The following CSMD1 variants were observed in gnomAD, a reference collection of about 807,000 sequenced individuals.
CSMD1 encodes the protein CUB and Sushi multiple domains 1, also known as CUB and sushi domain-containing protein 1.
In CSMD1, 213 loss-of-function variants were observed where a neutral mutation model predicts 417.5. That is an observed-to-expected ratio of 0.51 (90% CI 0.46 to 0.57). The LOEUF (loss-of-function observed/expected upper bound fraction) is 0.57, where lower values mean the gene tolerates loss of function less well. CSMD1 is among the 20% of genes least tolerant of loss of function. CSMD1 has a pLI of 0.00. For missense variants in CSMD1, 6,923 were observed against 4,529.7 expected (o/e 1.53, Z -15.17); for synonymous variants, 2,862 against 1,736.8 (o/e 1.65, Z -16.11).
intron 20 of CSMD1, among the ~76,000 whole-genome samples, chr8:3,359,659 G>T (rs567896589): frequency 1.3e-5 from 2 of 151,882 alleles, no homozygotes; most frequent in African/African-American, 4.8e-5. Flanking sequence ...CAGTTAGAAG[G>T]AATATGTTCT....
chr8:4,215,234 T>C (rs903059410), intron 3 of CSMD1, among the ~76,000 whole-genome samples: 6 of 152,204 alleles, frequency 3.9e-5, no homozygotes, highest in African/African-American at 1.4e-4. Context: ...AAATTCTTGA[T>C]CAGAGATGTG....
intron 1 of CSMD1, among the ~76,000 whole-genome samples, chr8:4,683,611 T>C (rs1424884268): frequency 6.6e-6 from 1 of 152,114 alleles, no homozygotes; most frequent in Non-Finnish European, 1.5e-5. Flanking sequence ...CATCAGACAG[T>C]TGAGGAAATG....
chr8:3,852,292 C>G (rs1259449707), intron 5 of CSMD1, among the ~76,000 whole-genome samples: 1 of 151,874 alleles, frequency 6.6e-6, no homozygotes, highest in Non-Finnish European at 1.5e-5. Flanking sequence ...GAACTCCTGC[C>G]CCAGAATCAG....
intron 3 of CSMD1, among the ~76,000 whole-genome samples, chr8:4,105,293 T>C (rs1801510679): frequency 6.6e-6 from 1 of 152,154 alleles, no homozygotes; most frequent in South Asian, 2.1e-4. Flanking sequence ...TCATTTTAAC[T>C]TCATTTCATT....
At chr8:4,974,630 TAGC>T (rs1186423241) in intron 1 of CSMD1, among the ~76,000 whole-genome samples, 1 of 152,172 alleles carries the variant, frequency 6.6e-6, no homozygotes, top group South Asian at 2.1e-4. Flanking sequence ...CTGTATATAA[TAGC>T]AGGAATATGC....
chr8:3,901,665 G>T (rs1356981920), intron 5 of CSMD1, among the ~76,000 whole-genome samples: 2 of 152,318 alleles, frequency 1.3e-5, no homozygotes, highest in African/African-American at 4.8e-5. Flanking sequence ...TATGTTCACA[G>T]AATGTACTTC....
intron 3 of CSMD1, among the ~76,000 whole-genome samples, chr8:4,132,513 C>G (rs1563165439): frequency 6.6e-6 from 1 of 152,014 alleles, no homozygotes. Flanking sequence ...TAGGCATTCC[C>G]CTGTTTCTGG....
chr8:3,233,924 T>C (rs1799000199), intron 26 of CSMD1, among the ~76,000 whole-genome samples: 1 of 152,190 alleles, frequency 6.6e-6, no homozygotes, highest in Non-Finnish European at 1.5e-5. Context: ...GAAATTCACC[T>C]ACAGACTAGT....
At chr8:3,870,064 C>A (rs1805374257) in intron 5 of CSMD1, among the ~76,000 whole-genome samples, 1 of 151,874 alleles carries the variant, frequency 6.6e-6, no homozygotes, top group East Asian at 1.9e-4. Flanking sequence ...GTAAGCATAC[C>A]CTCTGGGTAT....
intron 7 of CSMD1, among the ~76,000 whole-genome samples, chr8:3,693,437 T>G (rs987493485): frequency 6.6e-6 from 1 of 152,144 alleles, no homozygotes; most frequent in Non-Finnish European, 1.5e-5. Flanking sequence ...GTGGGCTGAC[T>G]TAGCTGGGTA....
At chr8:4,191,502 T>C (rs1375727375) in intron 3 of CSMD1, among the ~76,000 whole-genome samples, 2 of 152,212 alleles carry the variant, frequency 1.3e-5, no homozygotes, top group Non-Finnish European at 2.9e-5. Context: ...GTCTGCAAGA[T>C]ACTGGTGAAG....
intron 5 of CSMD1, among the ~76,000 whole-genome samples, chr8:3,993,114 C>T (rs958887791): frequency 6.6e-6 from 1 of 152,124 alleles, no homozygotes; most frequent in African/African-American, 2.4e-5. Flanking sequence ...AGCACTGATG[C>T]TACATGAATT....
intron 1 of CSMD1, among the ~76,000 whole-genome samples, chr8:4,922,173 G>A (rs898558926): frequency 2.0e-5 from 3 of 151,884 alleles, no homozygotes; most frequent in African/African-American, 7.3e-5. Flanking sequence ...AAGGGGTGAA[G>A]TACTGCCTGT....
intron 37 of CSMD1, among the ~76,000 whole-genome samples, chr8:3,167,964 T>C (rs887695268): frequency 6.6e-6 from 1 of 152,206 alleles, no homozygotes; most frequent in South Asian, 2.1e-4. Context: ...AATGGGACTT[T>C]TGTAGATATT....
At chr8:4,097,659 A>G (rs1445184636) in intron 3 of CSMD1, among the ~76,000 whole-genome samples, 1 of 152,212 alleles carries the variant, frequency 6.6e-6, no homozygotes, top group African/African-American at 2.4e-5. Context: ...ACTTTAAAAG[A>G]TGTTCTTGTT....
chr8:4,511,730 C>G (rs1417678223), intron 2 of CSMD1, among the ~76,000 whole-genome samples: 1 of 152,086 alleles, frequency 6.6e-6, no homozygotes, highest in Non-Finnish European at 1.5e-5. Flanking sequence ...CAGTGTTCCC[C>G]AAGAGAACTC....
In CSMD1 at chr8:4,895,712, G is replaced by A. The variant is rs181621996; in HGVS notation, c.85+98620C>T. On this transcript the variant is annotated intron_variant, in intron 1 of 69. Coordinates refer to ENST00000635120, the MANE Select transcript of CSMD1 (RefSeq NM_033225.6). ...TCCCTGATTTTTTTTTTTCTCCTCA[G>A]TCTTCAAACCTACAAAGCCTCTATT... Among the ~76,000 whole-genome samples, 23 of 150,396 alleles carry A rather than the reference G, an allele frequency of 1.5e-4. No homozygotes were observed. The East Asian group carries it at 4.5e-3, about 29-fold the overall frequency.
chr8:3,645,525 G>A (rs1797531812), intron 7 of CSMD1, among the ~76,000 whole-genome samples: 1 of 152,156 alleles, frequency 6.6e-6, no homozygotes, highest in South Asian at 2.1e-4. Context: ...GAGGATGTGT[G>A]GTCAGAGGTG....
intron 3 of CSMD1, among the ~76,000 whole-genome samples, chr8:4,250,727 A>G (rs546147293): frequency 6.6e-6 from 1 of 152,276 alleles, no homozygotes; most frequent in Admixed American, 6.5e-5. Flanking sequence ...AGCAAATCTA[A>G]AGAAAGTTTG....
Sources: gnomAD v4.1 joint callset for allele counts (sites outside exome capture counted in the v4.1 genomes callset) on GRCh38, gnomAD v4.1.1 for gene constraint, MANE v1.5 for transcripts, NCBI Gene and HGNC (gene_info 2026-07-23, HGNC 2026-07-21) for gene names.